Variants in DCAF6 observed in about 807,000 individuals in gnomAD.
The protein encoded by DCAF6 is DDB1 and CUL4 associated factor 6.
In DCAF6, 54 loss-of-function variants were observed where a neutral mutation model predicts 125.1. That is an observed-to-expected ratio of 0.43 (90% CI 0.35 to 0.54). The LOEUF is 0.54. Ranked by LOEUF, DCAF6 falls within the 20% of genes least tolerant of loss-of-function variation. The pLI, the probability that DCAF6 is intolerant of heterozygous loss-of-function variation, is 0.01. For missense variants in DCAF6, 934 were observed against 1,161.7 expected (o/e 0.80, Z 2.85); for synonymous variants, 371 against 390.4 (o/e 0.95, Z 0.58).
chr1:167,911,819 G>A, the DCAF6 span, among the ~76,000 whole-genome samples: 1 of 152,180 alleles, frequency 6.6e-6, no homozygotes, highest in African/African-American at 2.4e-5. Context: ...TTAGATGATT[G>A]TTAAGATTCT....
chr1:168,044,746 T>A, intron 15 of DCAF6, 75 bp downstream of exon 15: 4 of 1,419,076 alleles, frequency 2.8e-6, no homozygotes, highest in Non-Finnish European at 3.9e-6. Context: ...CTCTCTATAG[T>A]TAGAGGCCAT....
In DCAF6 at chr1:167,983,068, T is replaced by C. The variant is rs116250480; in HGVS notation, c.439-4427T>C. Among the ~76,000 whole-genome samples the C allele has an allele frequency of 1.9e-3, 297 of 152,338 alleles. 2 individuals are homozygous for C. The highest frequency in any genetic ancestry group is 7.0e-3 in the African/African-American group (291 of 41,588). On this transcript the variant is annotated intron_variant, in intron 4 of 21. Transcript: ENST00000367840. ...CTATGCTGTTTTGGTTACTGTAGCC[T>C]TAAAGTATGGTTTGCAGTCAAGTAA...
upstream of DCAF6, among the ~76,000 whole-genome samples, chr1:167,934,109 G>C (rs1386439752): frequency 6.6e-6 from 1 of 152,150 alleles, no homozygotes; most frequent in Admixed American, 6.5e-5. Context: ...CGAATCCAAG[G>C]ATTTTCAGGT....
the DCAF6 span, among the ~76,000 whole-genome samples, chr1:167,868,997 T>G: frequency 2.0e-5 from 3 of 152,190 alleles, no homozygotes; most frequent in Non-Finnish European, 4.4e-5. Flanking sequence ...TTCTAGCAGC[T>G]GAAAGAGAGG....
chr1:167,870,172 A>G, the DCAF6 span: 8 of 1,469,994 alleles, frequency 5.4e-6, no homozygotes, highest in Admixed American at 1.3e-4. Context: ...TAATTTACAT[A>G]AGGCAAGTTA....
At chr1:168,000,845 G>C (rs768226437) in intron 7 of DCAF6, among the ~76,000 whole-genome samples, 1 of 152,094 alleles carries the variant, frequency 6.6e-6, no homozygotes, top group East Asian at 1.9e-4. Context: ...TGAGCAGAGG[G>C]ATGAGTGGGG....
At chr1:167,992,280 CACAA>C (rs551245310) in intron 6 of DCAF6, among the ~76,000 whole-genome samples, 2,763 of 127,940 alleles carry the variant, frequency 0.022, 72 homozygotes, top group African/African-American at 0.07. Flanking sequence ...CACACACACA[CACAA>C]ACACCGAATG....
At chr1:168,014,768 C>G (rs1241838901) in intron 10 of DCAF6, among the ~76,000 whole-genome samples, 1 of 152,188 alleles carries the variant, frequency 6.6e-6, no homozygotes, top group East Asian at 1.9e-4. Flanking sequence ...AGTATTTGCA[C>G]TTGCTCTTTT....
At chr1:167,993,874 A>G (rs1681246250) in intron 7 of DCAF6, among the ~76,000 whole-genome samples, 1 of 152,208 alleles carries the variant, frequency 6.6e-6, no homozygotes, top group African/African-American at 2.4e-5. Context: ...AGGCACTTAC[A>G]GTTCAGAAAA....
At chr1:168,070,539 G>A (rs190961148) in intron 21 of DCAF6, among the ~76,000 whole-genome samples, 358 of 152,210 alleles carry the variant, frequency 2.4e-3, no homozygotes, top group Non-Finnish European at 4.4e-3. Flanking sequence ...TTTTAATGAA[G>A]GAGCCTCTTA....
intron 12 of DCAF6, among the ~76,000 whole-genome samples, chr1:168,029,044 C>T (rs968281231): frequency 6.6e-6 from 1 of 152,112 alleles, no homozygotes; most frequent in Non-Finnish European, 1.5e-5. Flanking sequence ...TTCTTCCTAT[C>T]CCCAACTACT....
chr1:167,936,378 A>G (rs1401721748), upstream of DCAF6: 2 of 177,104 alleles, frequency 1.1e-5, no homozygotes, highest in South Asian at 1.2e-4. Flanking sequence ...ATGCCGCACA[A>G]TTCTCTTGCT....
At chr1:167,926,077 C>T in the DCAF6 span, among the ~76,000 whole-genome samples, 2 of 152,142 alleles carry the variant, frequency 1.3e-5, no homozygotes, top group Admixed American at 1.3e-4. Flanking sequence ...CGGCACAAAC[C>T]CTGTGGTTCC....
the DCAF6 span, among the ~76,000 whole-genome samples, chr1:167,873,809 T>C: frequency 6.6e-6 from 1 of 152,330 alleles, no homozygotes; most frequent in South Asian, 2.1e-4. Flanking sequence ...TCAAATAGTA[T>C]ACAGAAGCAC....
chr1:167,914,652 A>G, the DCAF6 span, among the ~76,000 whole-genome samples: 1 of 152,204 alleles, frequency 6.6e-6, no homozygotes, highest in South Asian at 2.1e-4. Flanking sequence ...AGTTTTCTTT[A>G]TCTGATGTGA....
chr1:167,902,092 C>T, the DCAF6 span: 1 of 1,580,526 alleles, frequency 6.3e-7, no homozygotes, highest in East Asian at 2.2e-5. Context: ...AACCCTGATT[C>T]CTTAAAGGTA....
the DCAF6 span, chr1:167,919,885 G>T: frequency 1.4e-6 from 1 of 720,650 alleles, no homozygotes; most frequent in Non-Finnish European, 2.3e-6. Flanking sequence ...TCCAGCCTGG[G>T]CAACAGAGCG....
chr1:167,959,558 G>T (rs1223324838), intron 2 of DCAF6, among the ~76,000 whole-genome samples: 1 of 152,168 alleles, frequency 6.6e-6, no homozygotes, highest in Non-Finnish European at 1.5e-5. Context: ...ATCCTTGCCA[G>T]TATTTGATGT....
the DCAF6 span, among the ~76,000 whole-genome samples, chr1:167,895,991 G>A: frequency 6.6e-6 from 1 of 152,162 alleles, no homozygotes; most frequent in South Asian, 2.1e-4. Flanking sequence ...AAGGAAAAAG[G>A]AGAAGGTAGT....
Sources: gnomAD v4.1 joint callset for allele counts (sites outside exome capture counted in the v4.1 genomes callset) on GRCh38, gnomAD v4.1.1 for gene constraint, MANE v1.5 for transcripts, NCBI Gene and HGNC (gene_info 2026-07-23, HGNC 2026-07-21) for gene names.